The following LONRF3 variants were observed in gnomAD, a reference collection of about 807,000 sequenced individuals.
The protein encoded by LONRF3 is LON peptidase N-terminal domain and ring finger 3.
In LONRF3, 19 loss-of-function variants were observed where a neutral mutation model predicts 51.7. That is an observed-to-expected ratio of 0.37 (90% CI 0.26 to 0.54). LONRF3 has a LOEUF of 0.54. LONRF3 is among the 20% of genes least tolerant of loss of function. The probability of loss-of-function intolerance (pLI) is 0.86; values close to 1 mark genes in which losing one functional copy is unlikely to be tolerated. For synonymous variants in LONRF3, 265 were observed against 257.8 expected, an observed-to-expected ratio of 1.03 and a Z score of -0.27; for missense variants, 521 against 623.9, an observed-to-expected ratio of 0.84 and a Z score of 1.76.
At chrX:119,015,657 T>TA (rs977355278) in intron 10 of LONRF3, among the ~76,000 whole-genome samples, 3 of 112,299 alleles carry the variant, frequency 2.7e-5, no homozygotes, top group African/African-American at 9.7e-5. Context: ...AGGCAAAAGA[T>TA]ACAGATCAGC....
Position 119,013,187 on chromosome X carries a change from A to T in LONRF3, c.1960A>T (p.Ile654Phe). 1.7e-6 allele frequency: 2 copies of T among 1,209,730 alleles called. No individual in the cohort carries two copies. Among genetic ancestry groups the T allele is most frequent in the Non-Finnish European group, 2.2e-6 (2 of 894,649 alleles). ...DGYNTADIEY[I>F]EDQKVQGEDC... ...CTACAACACAGCCGACATTGAATACATTGAAGACCAAAAGGTAAGGGTGGC... is the reference window on the plus strand; with the variant it reads ...CTACAACACAGCCGACATTGAATACTTTGAAGACCAAAAGGTAAGGGTGGC... Residue 654 changes from isoleucine (I) to phenylalanine (F), a missense_variant, in exon 9 of 11, where the codon ATT (isoleucine) becomes TTT (phenylalanine). Ile to Phe is a conservative substitution (Grantham distance 21, BLOSUM62 0). Around this residue, in one of 2 missense-constraint regions of LONRF3, gnomAD observed 145 missense variants for 247.2 expected, o/e 0.59. Coordinates refer to ENST00000371628, the MANE Select transcript of LONRF3 (RefSeq NM_001031855.3).
chrX:118,994,754 T>A, intron 5 of LONRF3, among the ~76,000 whole-genome samples: 1 of 111,861 alleles, frequency 8.9e-6, no homozygotes, highest in Non-Finnish European at 1.9e-5. Flanking sequence ...GGACAGTATA[T>A]AATGGTAAAA....
chrX:118,975,584 G>A lies in LONRF3; in HGVS notation c.804G>A (p.Glu268=). The A allele has an allele frequency of 8.5e-7, 1 of 1,176,253 alleles. No individual in the cohort carries two copies. Residue 268 remains glutamate, a synonymous_variant, in exon 1 of 11, where the codon GAG becomes GAA. Transcript: ENST00000371628. Reference sequence around the variant, plus strand: ...AGGCGGCACTGCTCAAGTACAACGAGGCAGTTAAGTTGGGTGAGTCCAACG... The same window carrying A: ...AGGCGGCACTGCTCAAGTACAACGAAGCAGTTAAGTTGGGTGAGTCCAACG... ...QVEAALLKYN[E]AVKLAPNDHL...
rs1925129764 is a variant in LONRF3 at position 119,011,840 on chromosome X, G to A, written c.1678G>A (p.Val560Met). Residue 560 changes from valine to methionine, a missense_variant, in exon 8 of 11, where the codon GTG becomes ATG. Physicochemically the swap from Val to Met is conservative, Grantham distance 21. This residue lies in a region of LONRF3 where 145 missense variants were observed against 247.2 expected (regional missense o/e 0.59). Coordinates refer to ENST00000371628, the MANE Select transcript of LONRF3 (RefSeq NM_001031855.3). ...SNLNKNVPIFVCTMAYPTVPC... is the reference protein window; with the variant it reads ...SNLNKNVPIFMCTMAYPTVPC... ...CCTTAATAAGAATGTGCCTATTTTC[G>A]TGTGTACTATGGCCTATCCCACCGT... The A allele has an allele frequency of 5.0e-6, 6 of 1,209,302 alleles. No homozygotes were observed. The highest frequency in any genetic ancestry group is 6.7e-6 in the Non-Finnish European group (6 of 894,864).
chrX:118,976,261 C>G (rs1313115114), intron 1 of LONRF3: 1 of 113,815 alleles, frequency 8.8e-6, no homozygotes, highest in East Asian at 2.8e-4. Context: ...CGCCCCTCCC[C>G]CGCGCGAGCG....
rs375302904 is a variant in LONRF3, at chrX:118,990,429, G to T, written c.1325-41G>T. 18 of 1,050,579 alleles carry T rather than the reference G, an allele frequency of 1.7e-5. No homozygotes were observed. The African/African-American group carries it at 2.8e-4, about 16-fold the overall frequency. The allele number at this position is 1,050,579 out of a possible 1,213,427, so 86.6% of individuals were successfully genotyped here. Reference sequence around the variant, plus strand: ...CCTCAGAAGTACTATCTATGAAACCGGGGTGGCTCCAGCGCTGACTTCTTG... The same window carrying T: ...CCTCAGAAGTACTATCTATGAAACCTGGGTGGCTCCAGCGCTGACTTCTTG... On this transcript the variant is annotated intron_variant, in intron 4 of 10. Coordinates refer to ENST00000371628, the MANE Select transcript of LONRF3 (RefSeq NM_001031855.3).
At chrX:119,009,816 C>G (rs1171426444) in intron 7 of LONRF3, among the ~76,000 whole-genome samples, 1 of 111,540 alleles carries the variant, frequency 9.0e-6, no homozygotes, top group East Asian at 2.8e-4. Flanking sequence ...GTCACCCAAG[C>G]TGGAGTGCAG....
At chrX:118,975,665 C>T (rs1359025435) in intron 1 of LONRF3, 68 bp downstream of exon 1, 1 of 932,766 alleles carries the variant, frequency 1.1e-6, no homozygotes, top group Non-Finnish European at 1.4e-6. Context: ...GGAGAACAAA[C>T]CCCGCAGCGA....
chrX:118,989,149 C>T (rs902666454), intron 3 of LONRF3, among the ~76,000 whole-genome samples: 3 of 111,487 alleles, frequency 2.7e-5, no homozygotes, highest in African/African-American at 9.8e-5. Context: ...GGAGGCTCTC[C>T]TCCTACATAC....
At chrX:118,989,259 T>C (rs959077993) in intron 3 of LONRF3, 149 bp from the exon 4 acceptor site, 2 of 626,106 alleles carry the variant, frequency 3.2e-6, no homozygotes, top group Middle Eastern at 5.4e-4. Flanking sequence ...TAATGCCTTA[T>C]GACGGCCCCC....
intron 6 of LONRF3, among the ~76,000 whole-genome samples, chrX:119,008,141 G>A (rs1924858437): frequency 9.0e-6 from 1 of 111,583 alleles, no homozygotes; most frequent in Non-Finnish European, 1.9e-5. Context: ...TCAGGACTTG[G>A]GGTCTAGAAG....
intron 2 of LONRF3, among the ~76,000 whole-genome samples, chrX:118,981,382 G>A (rs1470339254): frequency 9.2e-6 from 1 of 108,405 alleles, no homozygotes; most frequent in African/African-American, 3.4e-5. Context: ...CTACTCAGGA[G>A]GCTGAGGCCG....
chrX:118,992,926 A>G (rs1276425836), intron 5 of LONRF3, among the ~76,000 whole-genome samples: 1 of 110,889 alleles, frequency 9.0e-6, no homozygotes, highest in African/African-American at 3.3e-5. Context: ...GACAACAATC[A>G]CTGCAGTTCA....
At chrX:119,009,012 A>G in intron 6 of LONRF3, 114 bp from the exon 7 acceptor site, 6 of 576,885 alleles carry the variant, frequency 1.0e-5, no homozygotes, top group Non-Finnish European at 1.6e-5. Flanking sequence ...TTGTGGGTCC[A>G]GATTACTCCA....
rs761341712 is a variant in LONRF3 at position 118,982,929 on chromosome X, T to C, written c.1045T>C (p.Cys349Arg). Residue 349 changes from cysteine (C) to arginine (R), a missense_variant, in exon 3 of 11, where the codon TGT becomes CGT. By Grantham distance (180) the Cys-to-Arg change is radical. Coordinates refer to ENST00000371628, the MANE Select transcript of LONRF3 (RefSeq NM_001031855.3). ...TGATGGAAAGAACAAGAGAGCAAGA[T>C]GTGAAGCCCAAAGAGTGAGTTGAAA... ...SLDGKNKRAR[C>R]EAQRDNLELP... 2.5e-6 allele frequency: 3 copies of C among 1,208,210 alleles called. No homozygotes were observed. The East Asian group carries it at 8.9e-5, about 36-fold the overall frequency.
chrX:118,981,383 G>T (rs1382605667), intron 2 of LONRF3, among the ~76,000 whole-genome samples: 6 of 108,379 alleles, frequency 5.5e-5, no homozygotes, highest in Non-Finnish European at 1.1e-4. Context: ...TACTCAGGAG[G>T]CTGAGGCCGG....
intron 2 of LONRF3, among the ~76,000 whole-genome samples, chrX:118,980,617 G>GT (rs1178190032): frequency 9.1e-5 from 10 of 110,454 alleles, no homozygotes; most frequent in Admixed American, 3.9e-4. Flanking sequence ...GATTAGTATG[G>GT]TTTTTTTTCC....
At chrX:119,001,471 A>G (rs912982885) in intron 5 of LONRF3, among the ~76,000 whole-genome samples, 2 of 112,414 alleles carry the variant, frequency 1.8e-5, no homozygotes, top group Admixed American at 9.4e-5. Flanking sequence ...TAATGAAGCT[A>G]ATCATAATTA....
At chrX:118,991,223 T>A (rs958072353) in intron 5 of LONRF3, among the ~76,000 whole-genome samples, 2 of 111,879 alleles carry the variant, frequency 1.8e-5, no homozygotes, top group Non-Finnish European at 3.8e-5. Flanking sequence ...ACAGGACATG[T>A]ACTCTCCATT....
Sources: allele counts gnomAD v4.1 joint callset (sites outside exome capture counted in the v4.1 genomes callset), GRCh38; gene constraint gnomAD v4.1.1; regional missense constraint gnomAD v4.1.1; transcripts MANE v1.5; gene names NCBI Gene and HGNC (gene_info 2026-07-23, HGNC 2026-07-21).